Variants in DOK6 observed in about 807,000 individuals in gnomAD.
DOK6 encodes the protein downstream of tyrosine kinase 6.
DOK6 carries 22 observed loss-of-function variants against 44.0 expected under a neutral mutation model. The ratio of observed to expected loss-of-function variants is 0.50; its 90% CI spans 0.36 to 0.71. DOK6 has a LOEUF of 0.71. Ranked by LOEUF, DOK6 falls within the 30% of genes least tolerant of loss-of-function variation. The pLI is 0.00. For synonymous variants in DOK6, 166 were observed against 145.5 expected (o/e 1.14, Z -1.01); for missense variants, 340 against 416.4 (o/e 0.82, Z 1.60).
At chr18:69,500,392 C>T (rs965606833) in intron 1 of DOK6, among the ~76,000 whole-genome samples, 1 of 152,106 alleles carries the variant, frequency 6.6e-6, no homozygotes, top group African/African-American at 2.4e-5. Context: ...TCATATGTCA[C>T]CTTCTCAGTG....
rs1568256358 is a variant in DOK6 at position 69,434,954 on chromosome 18, G to GGAAGGAAGGAAGGAAGGAAGGAA, written c.66+33645_66+33646insAAGGAAGGAAGGAAGGAAGGAAG. Among the ~76,000 whole-genome samples, 163 of 62,972 alleles carry GGAAGGAAGGAAGGAAGGAAGGAA rather than the reference G, an allele frequency of 2.6e-3. 5 individuals are homozygous for GGAAGGAAGGAAGGAAGGAAGGAA. Among genetic ancestry groups the GGAAGGAAGGAAGGAAGGAAGGAA allele is most frequent in the East Asian group, 7.6e-3 (16 of 2,104 alleles). The allele number at this position is 62,972 out of a possible 152,430, so 41.3% of individuals were successfully genotyped here. On this transcript the variant is annotated intron_variant, in intron 1 of 7. Transcript: ENST00000382713. ...AGGGAGGGAGGGAGGGAGGGAGGGAGGGAAGGAAGGAAGGAAGGAAGGAAG... is the reference window on the plus strand; with the variant it reads ...AGGGAGGGAGGGAGGGAGGGAGGGAGGAAGGAAGGAAGGAAGGAAGGAAGGAAGGAAGGAAGGAAGGAAGGAAG...
At chr18:69,839,706 G>A (rs1297911339) in intron 7 of DOK6, among the ~76,000 whole-genome samples, 1 of 152,246 alleles carries the variant, frequency 6.6e-6, no homozygotes, top group Admixed American at 6.5e-5. Context: ...AGGAGTGCGG[G>A]GCAGGACCCT....
At chr18:69,708,366 C>G (rs1986682153) in intron 5 of DOK6, among the ~76,000 whole-genome samples, 1 of 152,206 alleles carries the variant, frequency 6.6e-6, no homozygotes, top group Non-Finnish European at 1.5e-5. Context: ...TGAGCCAGCA[C>G]TTTCCCTGTG....
chr18:69,824,506 C>T (rs1009034508), intron 7 of DOK6, among the ~76,000 whole-genome samples: 1 of 151,842 alleles, frequency 6.6e-6, no homozygotes, highest in African/African-American at 2.4e-5. Context: ...GAAACCAAGG[C>T]ACGTGCCACC....
chr18:69,436,624 ATGCATG>A (rs1343593283), intron 1 of DOK6, among the ~76,000 whole-genome samples: 1 of 152,274 alleles, frequency 6.6e-6, no homozygotes, highest in Admixed American at 6.5e-5. Context: ...AAACATATGT[ATGCATG>A]TGTCTTTATA....
intron 2 of DOK6, among the ~76,000 whole-genome samples, chr18:69,597,236 T>G (rs1183319486): frequency 6.6e-6 from 1 of 152,174 alleles, no homozygotes; most frequent in Non-Finnish European, 1.5e-5. Flanking sequence ...TCTGATATGT[T>G]AAAATATTTA....
At chr18:69,537,663 T>C (rs1047346230) in intron 1 of DOK6, among the ~76,000 whole-genome samples, 1 of 152,194 alleles carries the variant, frequency 6.6e-6, no homozygotes, top group Non-Finnish European at 1.5e-5. Flanking sequence ...TTTACACAAA[T>C]ATGCAAACTT....
intron 7 of DOK6, among the ~76,000 whole-genome samples, chr18:69,824,188 CT>C (rs1981666785): frequency 4.0e-5 from 1 of 24,880 alleles, no homozygotes; most frequent in Admixed American, 5.2e-4. Context: ...AATGCTATCC[CT>C]CCCCCCTCCC....
chr18:69,508,268 A>G (rs979783564), intron 1 of DOK6, among the ~76,000 whole-genome samples: 27 of 151,966 alleles, frequency 1.8e-4, no homozygotes, highest in Non-Finnish European at 2.9e-5. Context: ...CTGCTATTTT[A>G]TGGAGTTTTT....
At chr18:69,776,558 G>T (rs2144771209) in intron 7 of DOK6, among the ~76,000 whole-genome samples, 1 of 152,136 alleles carries the variant, frequency 6.6e-6, no homozygotes, top group Non-Finnish European at 1.5e-5. Flanking sequence ...AATAGGGATG[G>T]AAAATTAATC....
chr18:69,609,779 T>C (rs936780615), intron 3 of DOK6, among the ~76,000 whole-genome samples: 2 of 152,182 alleles, frequency 1.3e-5, no homozygotes, highest in African/African-American at 4.8e-5. Flanking sequence ...AACCTGAATG[T>C]TGATCAGCTG....
intron 5 of DOK6, among the ~76,000 whole-genome samples, chr18:69,710,576 G>C (rs576203327): frequency 2.6e-5 from 4 of 152,256 alleles, no homozygotes; most frequent in Admixed American, 1.3e-4. Context: ...TAATAGATGG[G>C]AAAACATATT....
At chr18:69,802,766 A>G (rs972118674) in intron 7 of DOK6, among the ~76,000 whole-genome samples, 1 of 152,170 alleles carries the variant, frequency 6.6e-6, no homozygotes, top group African/African-American at 2.4e-5. Flanking sequence ...TGAGGCCTCA[A>G]CAGAAGTCAA....
intron 2 of DOK6, among the ~76,000 whole-genome samples, chr18:69,592,329 C>T (rs936964154): frequency 6.6e-6 from 1 of 151,510 alleles, no homozygotes; most frequent in African/African-American, 2.4e-5. Flanking sequence ...ATCTTTCTTC[C>T]TCTCTGCTCC....
intron 3 of DOK6, among the ~76,000 whole-genome samples, chr18:69,658,241 C>T (rs953801864): frequency 6.6e-6 from 1 of 152,200 alleles, no homozygotes; most frequent in African/African-American, 2.4e-5. Flanking sequence ...CGTTAAGCCA[C>T]CACGCCCAGC....
intron 7 of DOK6, among the ~76,000 whole-genome samples, chr18:69,770,343 A>G (rs1161213669): frequency 6.6e-6 from 1 of 152,098 alleles, no homozygotes; most frequent in African/African-American, 2.4e-5. Flanking sequence ...CTTGGATAGG[A>G]AAGTTACATA....
At chr18:69,428,609 A>C (rs1041530964) in intron 1 of DOK6, among the ~76,000 whole-genome samples, 3 of 152,108 alleles carry the variant, frequency 2.0e-5, no homozygotes, top group African/African-American at 7.2e-5. Flanking sequence ...TGTAGGTCAA[A>C]GAGAAAGTGA....
chr18:69,625,227 T>C (rs1040042307), intron 3 of DOK6, among the ~76,000 whole-genome samples: 1 of 152,180 alleles, frequency 6.6e-6, no homozygotes, highest in Non-Finnish European at 1.5e-5. Flanking sequence ...TTAAAATTCA[T>C]TTAAGGTGAT....
Position 69,707,273 on chromosome 18 carries a change from T to C in DOK6, c.599+8680T>C, listed in dbSNP as rs557789800. On this transcript the variant is annotated intron_variant, in intron 5 of 7. Transcript: ENST00000382713. ...TGGCCACACTGCCCAAGGTAATTTA[T>C]AGATTCAATGCCATCCCCATCAAGC... Among the ~76,000 whole-genome samples, 7 of 152,310 alleles carry C rather than the reference T, an allele frequency of 4.6e-5. 1 individual carries two copies. In the South Asian group the frequency reaches 1.5e-3, roughly 32 times the overall value.
Sources: gnomAD v4.1 joint callset for allele counts (sites outside exome capture counted in the v4.1 genomes callset) on GRCh38, gnomAD v4.1.1 for gene constraint, MANE v1.5 for transcripts, NCBI Gene and HGNC (gene_info 2026-07-23, HGNC 2026-07-21) for gene names.